IFT140: variants seen among roughly 807,000 people sequenced by gnomAD.
IFT140 encodes the protein intraflagellar transport protein 140 homolog.
In IFT140, 133 loss-of-function variants were observed where a neutral mutation model predicts 164.6. That is an observed-to-expected ratio of 0.81 (90% confidence interval 0.70 to 0.93). IFT140 has a LOEUF of 0.93. Ranked by LOEUF, IFT140 falls within the 40% of genes least tolerant of loss-of-function variation. The pLI, the probability that IFT140 is intolerant of heterozygous loss-of-function variation, is 0.00. For synonymous variants in IFT140, 860 were observed against 817.3 expected (o/e 1.05, Z -0.89); for missense variants, 2,045 against 1,972.3 (o/e 1.04, Z -0.70).
At chr16:1,569,897 A>G (rs1475236369) in intron 14 of IFT140, among the ~76,000 whole-genome samples, 4 of 151,858 alleles carry the variant, frequency 2.6e-5, no homozygotes, top group Non-Finnish European at 4.4e-5. Flanking sequence ...AAAAAAAAAA[A>G]TAATAAATAA....
chr16:1,584,521 T>C (rs1168488642), intron 10 of IFT140, 101 bp from the exon 11 acceptor site: 2 of 884,460 alleles, frequency 2.3e-6, no homozygotes, highest in Non-Finnish European at 3.5e-6. Flanking sequence ...TCAGAAACCA[T>C]TTCCAAGTAC....
At chr16:1,543,966 T>C (rs1428307825) in intron 19 of IFT140, among the ~76,000 whole-genome samples, 1 of 152,214 alleles carries the variant, frequency 6.6e-6, no homozygotes, top group Non-Finnish European at 1.5e-5. Flanking sequence ...GCAATAGTTT[T>C]TGATTCTGAA....
Position 1,553,835 on chromosome 16 carries a change from T to C in IFT140, c.2399+4100A>G, listed in dbSNP as rs890654829. ...GGATTAGGACGCCCGGCTCCATCGC[T>C]GCGGCCACAGTGTCCTGTTATCCTA... On this transcript the variant is annotated intron_variant, in intron 19 of 30. Coordinates refer to ENST00000426508, the MANE Select transcript of IFT140 (RefSeq NM_014714.4). This position sits in a 1 kb window ranked among gnomAD's most constrained non-coding sequence, Gnocchi z 4.4. The C allele has an allele frequency of 3.3e-6, 4 of 1,212,218 alleles. No individual in the cohort carries two copies. Among genetic ancestry groups the C allele is most frequent in the South Asian group, 1.5e-5 (1 of 68,114 alleles). 75.1% of individuals were successfully genotyped at this position (1,212,218 alleles called of 1,614,324 possible).
chr16:1,524,802 G>A lies in IFT140; in HGVS notation c.2979C>T (p.Phe993=). ...ACCTTACCTTCTGGACATTGCCCTG[G>A]AAGCAGTGGATGCGGACCAGGGAGA... The part of the protein sequence containing the change: ...DHFSLVRIHC[F]QGNVQKAAQI... The change falls in exon 23 of 31, where the codon TTC becomes TTT. Residue 993 remains phenylalanine (F), a synonymous_variant. Coordinates refer to ENST00000426508, the MANE Select transcript of IFT140 (RefSeq NM_014714.4). The A allele has an allele frequency of 6.2e-7, 1 of 1,610,440 alleles. No individual in the cohort carries two copies. Among genetic ancestry groups the A allele is most frequent in the Non-Finnish European group, 8.5e-7 (1 of 1,177,220 alleles).
rs529397200 is a variant in IFT140 at position 1,525,912 on chromosome 16, C to T, written c.2743G>A (p.Ala915Thr). The change falls in exon 21 of 31, where the codon GCC becomes ACC. Residue 915 changes from alanine (A) to threonine (T), a missense_variant. Ala to Thr is a moderately conservative substitution (Grantham distance 58). Transcript: ENST00000426508. The part of the protein sequence containing the change: ...HRYAGHLEAS[A>T]DCSRALSYYE... ...TAACTGAGGGCCCGGCTGCAGTCGG[C>T]GCTGGCCTCCAGGTGCCCGGCATAG... The T allele has an allele frequency of 3.3e-5, 51 of 1,558,082 alleles. No homozygotes were observed. The highest frequency in any genetic ancestry group is 4.3e-5 in the Non-Finnish European group (50 of 1,153,342).
At chr16:1,583,628 T>G (rs1596408997) in intron 11 of IFT140, among the ~76,000 whole-genome samples, 1 of 151,996 alleles carries the variant, frequency 6.6e-6, no homozygotes, top group East Asian at 1.9e-4. Flanking sequence ...TTTTTTAGGT[T>G]TGGGGAATGG....
At chr16:1,557,571 T>G in intron 19 of IFT140, 1 of 217,496 alleles carries the variant, frequency 4.6e-6, no homozygotes, top group East Asian at 1.1e-4. Flanking sequence ...GATACCCTCT[T>G]TCAGAGCATT....
chr16:1,583,292 T>C, intron 12 of IFT140, 22 bp downstream of exon 12: 2 of 1,610,066 alleles, frequency 1.2e-6, no homozygotes, highest in Non-Finnish European at 1.7e-6. Context: ...GGAGTGCCTC[T>C]GTCCGGGTGA....
At chr16:1,585,572 A>G (rs192566516) in intron 10 of IFT140, among the ~76,000 whole-genome samples, 71 of 152,286 alleles carry the variant, frequency 4.7e-4, no homozygotes, top group African/African-American at 1.6e-3. Context: ...TTTCATACAG[A>G]TAGAGAGAGA....
At position 1,558,086 on chromosome 16, in the gene IFT140, T is replaced by C. The variant is rs747815997; in HGVS notation, c.2248A>G (p.Ile750Val). 1.2e-6 allele frequency: 2 copies of C among 1,614,062 alleles called. No individual in the cohort carries two copies. Among genetic ancestry groups the C allele is most frequent in the South Asian group, 2.2e-5 (2 of 91,092 alleles). ...EDEVEPGCHH[I>V]PQMVSRRPLR... ...GGTCTCCTGGACACCATCTGAGGGA[T>C]GTGGTGGCACCCAGGCTCCACCTCG... The change falls in exon 19 of 31, where the codon ATC (isoleucine) becomes GTC (valine). Residue 750 changes from isoleucine to valine, a missense_variant. Transcript: ENST00000426508.
In IFT140 at chr16:1,531,646, T is replaced by TA. The variant is rs1407066571; in HGVS notation, c.2400-4851dup. The stretch of plus-strand genomic sequence containing the variant: ...CCTCCCAGGAGGGTCGCTCTTAACT[T>TA]ACATGCTGCTCCCAGGCCTTCCGCC... On this transcript the variant is annotated intron_variant, in intron 19 of 30. Coordinates refer to ENST00000426508, the MANE Select transcript of IFT140 (RefSeq NM_014714.4). This position sits in a 1 kb window ranked among gnomAD's most constrained non-coding sequence, Gnocchi z 4.7. 6.6e-6 allele frequency: 1 copy of TA among 151,876 alleles called. No homozygotes were observed. The highest frequency in any genetic ancestry group is 2.4e-5 in the African/African-American group (1 of 41,298). The allele number at this position is 151,876 out of a possible 1,614,324, so 9.4% of individuals were successfully genotyped here.
intron 11 of IFT140, among the ~76,000 whole-genome samples, chr16:1,583,632 G>A (rs1248894706): frequency 1.3e-5 from 2 of 150,856 alleles, no homozygotes; most frequent in African/African-American, 4.9e-5. Context: ...TTAGGTTTGG[G>A]GAATGGCAAA....
intron 18 of IFT140, among the ~76,000 whole-genome samples, chr16:1,559,541 C>T (rs936358821): frequency 6.6e-6 from 1 of 152,198 alleles, no homozygotes; most frequent in African/African-American, 2.4e-5. Context: ...CATGGCTAGT[C>T]CTCACTAGAC....
intron 26 of IFT140, among the ~76,000 whole-genome samples, chr16:1,521,683 C>T (rs978154545): frequency 1.1e-4 from 16 of 151,656 alleles, no homozygotes; most frequent in Admixed American, 3.3e-4. Context: ...TGAGCCACCA[C>T]ACCCAGCCCT....
rs773138698 is a variant in IFT140, at chr16:1,520,712, G to A, written c.3550C>T (p.Pro1184Ser). ...MTVAKDSSDL[P>S]EESRRELLEQ... is the part of the protein sequence containing the mutation. ...AGCAGCTCCCGCCGCGACTCCTCAGGCAGGTCCGAGGAGTCCTTGGCCACG... is the reference window on the plus strand; with the variant it reads ...AGCAGCTCCCGCCGCGACTCCTCAGACAGGTCCGAGGAGTCCTTGGCCACG... The change falls in exon 27 of 31, where the codon CCT becomes TCT. Residue 1184 changes from proline (P) to serine (S), a missense_variant. Transcript: ENST00000426508. 5 of 1,611,990 alleles carry A rather than the reference G, an allele frequency of 3.1e-6. No individual in the cohort carries two copies. The East Asian group carries it at 8.9e-5, about 29-fold the overall frequency.
At position 1,555,429 on chromosome 16, in the gene IFT140, GA is replaced by G. The variant is rs578257759; in HGVS notation, c.2399+2505del. 1.1e-4 allele frequency: 20 copies of G among 180,586 alleles called. No homozygotes were observed. In the South Asian group the frequency reaches 2.6e-3, roughly 24 times the overall value. 11.2% of individuals were successfully genotyped at this position (180,586 alleles called of 1,614,324 possible). ...ACACTTTGGTAAAGCAGAAAACCAG[GA>G]AAATTTTCTTAAAATATCCACAATA... is the stretch of plus-strand genomic sequence containing the variant. On this transcript the variant is annotated intron_variant, in intron 19 of 30. Transcript: ENST00000426508.
rs764257741 is a variant in IFT140, at chr16:1,607,105, C to T, written c.147+15G>A. On this transcript the variant is annotated intron_variant, in intron 3 of 30. Transcript: ENST00000426508. The stretch of plus-strand genomic sequence containing the variant: ...GAAGCTACCACAGTCAGGCTCCTTG[C>T]TTCTGAGCACTCACTTGCTCCAGGT... 6.2e-7 allele frequency: 1 copy of T among 1,613,048 alleles called. No individual in the cohort carries two copies. Among genetic ancestry groups the T allele is most frequent in the Non-Finnish European group, 8.5e-7 (1 of 1,179,372 alleles).
chr16:1,538,172 G>A (rs2031265560), intron 19 of IFT140, among the ~76,000 whole-genome samples: 1 of 152,208 alleles, frequency 6.6e-6, no homozygotes, highest in Non-Finnish European at 1.5e-5. Flanking sequence ...CCTCCTTCCT[G>A]GCAGGGCGGT....
At chr16:1,595,850 C>G (rs1000147192) in intron 4 of IFT140, among the ~76,000 whole-genome samples, 2 of 152,046 alleles carry the variant, frequency 1.3e-5, no homozygotes, top group Non-Finnish European at 2.9e-5. Context: ...GTCAGGAGTT[C>G]GAGGCCAGCC....
Sources: gnomAD v4.1 joint callset for allele counts (sites outside exome capture counted in the v4.1 genomes callset) on GRCh38, gnomAD v4.1.1 for gene constraint, Gnocchi (gnomAD v3.1) non-coding constraint, MANE v1.5 for transcripts, NCBI Gene and HGNC (gene_info 2026-07-23, HGNC 2026-07-21) for gene names.